The following GALNT13 variants were observed in gnomAD, a reference collection of about 807,000 sequenced individuals.
The protein encoded by GALNT13 is polypeptide N-acetylgalactosaminyltransferase 13.
Under a neutral mutation model 64.2 loss-of-function variants are expected in GALNT13, and 28 were observed. The ratio of observed to expected loss-of-function variants is 0.44; its 90% confidence interval spans 0.32 to 0.60. GALNT13 has a LOEUF of 0.60. Ranked by LOEUF, GALNT13 falls within the 20% of genes least tolerant of loss-of-function variation. The probability of loss-of-function intolerance (pLI) is 0.05; values close to 1 mark genes in which losing one functional copy is unlikely to be tolerated. For synonymous variants in GALNT13, 214 were observed against 224.6 expected (o/e 0.95, Z 0.42); for missense variants, 577 against 669.8 (o/e 0.86, Z 1.53).
chr2:153,430,504 G>C, the GALNT13 span, among the ~76,000 whole-genome samples: 1 of 146,292 alleles, frequency 6.8e-6, no homozygotes, highest in Non-Finnish European at 1.5e-5. Flanking sequence ...GCAAATGATA[G>C]GTATTAATAG....
the GALNT13 span, chr2:153,337,903 C>G: frequency 6.6e-6 from 1 of 152,186 alleles, no homozygotes; most frequent in East Asian, 1.9e-4. Flanking sequence ...ATACAAAATA[C>G]AGATAAACTT....
At chr2:154,017,965 G>A (rs1697120914) in intron 3 of GALNT13, among the ~76,000 whole-genome samples, 1 of 152,092 alleles carries the variant, frequency 6.6e-6, no homozygotes, top group African/African-American at 2.4e-5. Flanking sequence ...CTTACTTTTT[G>A]TTATTATCCT....
the GALNT13 span, among the ~76,000 whole-genome samples, chr2:153,493,289 G>A: frequency 6.6e-6 from 1 of 151,936 alleles, no homozygotes; most frequent in Non-Finnish European, 1.5e-5. Context: ...GTTTCACAGA[G>A]AGAGAGAAAA....
At chr2:153,589,469 A>T in the GALNT13 span, among the ~76,000 whole-genome samples, 1 of 152,078 alleles carries the variant, frequency 6.6e-6, no homozygotes, top group Non-Finnish European at 1.5e-5. Flanking sequence ...CCCAGTTCCA[A>T]TGTTGCTTCC....
chr2:154,299,599 C>T (rs1303434008), intron 8 of GALNT13, among the ~76,000 whole-genome samples: 3 of 148,780 alleles, frequency 2.0e-5, no homozygotes, highest in Admixed American at 6.8e-5. Context: ...GGACTACAGG[C>T]GCCCGCCACC....
At chr2:153,132,669 TG>T in the GALNT13 span, among the ~76,000 whole-genome samples, 7 of 152,176 alleles carry the variant, frequency 4.6e-5, no homozygotes, top group Admixed American at 2.0e-4. Context: ...CATTTTTAGT[TG>T]GTGAAGACAT....
the GALNT13 span, among the ~76,000 whole-genome samples, chr2:153,777,048 G>C: frequency 1.3e-5 from 2 of 151,690 alleles, no homozygotes; most frequent in Non-Finnish European, 2.9e-5. Context: ...TTGTTTGTTT[G>C]TTTTGTTTTG....
At position 154,170,446 on chromosome 2, in the gene GALNT13, G is replaced by A. The variant is rs981709258; in HGVS notation, c.311+29941G>A. Among the ~76,000 whole-genome samples the A allele has an allele frequency of 2.0e-5, 3 of 152,090 alleles. No homozygotes were observed. The South Asian group carries it at 6.2e-4, about 31-fold the overall frequency. The stretch of plus-strand genomic sequence containing the variant: ...TTGATGCTGGACTGCTATCCACGTT[G>A]TTTACAGTGACCATATATATGATTG... On this transcript the variant is annotated intron_variant, in intron 4 of 12. Transcript: ENST00000392825.
the GALNT13 span, among the ~76,000 whole-genome samples, chr2:153,181,259 C>T: frequency 1.5e-4 from 23 of 150,732 alleles, no homozygotes; most frequent in African/African-American, 5.3e-4. Flanking sequence ...TCTTCATTGA[C>T]GCATGGGTGT....
chr2:153,748,326 T>C, the GALNT13 span, among the ~76,000 whole-genome samples: 1 of 152,122 alleles, frequency 6.6e-6, no homozygotes, highest in Non-Finnish European at 1.5e-5. Flanking sequence ...ATAGTAGATA[T>C]AGTTTTAGTT....
At chr2:153,283,955 C>T in the GALNT13 span, among the ~76,000 whole-genome samples, 1 of 151,704 alleles carries the variant, frequency 6.6e-6, no homozygotes, top group Non-Finnish European at 1.5e-5. Context: ...GAGAGGGCTC[C>T]GAAGCACTAC....
chr2:154,049,823 A>G (rs1699486878), intron 3 of GALNT13, among the ~76,000 whole-genome samples: 1 of 151,978 alleles, frequency 6.6e-6, no homozygotes, highest in African/African-American at 2.4e-5. Flanking sequence ...TCTTTTGTTG[A>G]CAATTTGAAT....
the GALNT13 span, among the ~76,000 whole-genome samples, chr2:153,290,083 A>C: frequency 2.6e-5 from 4 of 152,174 alleles, no homozygotes. Flanking sequence ...TTGCATTTCT[A>C]TTATTCCTTT....
At chr2:153,299,256 G>A in the GALNT13 span, among the ~76,000 whole-genome samples, 1 of 152,182 alleles carries the variant, frequency 6.6e-6, no homozygotes, top group Non-Finnish European at 1.5e-5. Context: ...TATTTGCAAC[G>A]TTGTTTCAGA....
chr2:153,312,970 T>A, the GALNT13 span, among the ~76,000 whole-genome samples: 10 of 152,136 alleles, frequency 6.6e-5, no homozygotes, highest in South Asian at 2.1e-4. Flanking sequence ...ATAAAAAAAA[T>A]TATTACTTTA....
Position 154,451,647 on chromosome 2 carries a change from A to G in GALNT13, c.*1096A>G, listed in dbSNP as rs1352101965. ...TAAACTGCTATATATTGTTTGCCAT[A>G]TATTATGGCCCAAGGAATATAGTTA... On this transcript the variant is annotated 3_prime_UTR_variant, in exon 13 of 13. Transcript: ENST00000392825. 2.0e-5 allele frequency: 3 copies of G among 152,114 alleles called. No homozygotes were observed. The highest frequency in any genetic ancestry group is 4.4e-5 in the Non-Finnish European group (3 of 68,024). The allele number at this position is 152,114 out of a possible 1,614,324, so 9.4% of individuals were successfully genotyped here.
the GALNT13 span, among the ~76,000 whole-genome samples, chr2:153,435,336 TTAAAG>T: frequency 1.3e-5 from 2 of 152,212 alleles, no homozygotes; most frequent in African/African-American, 4.8e-5. Context: ...CATATGAACT[TTAAAG>T]TAGTTTTTTT....
intron 12 of GALNT13, among the ~76,000 whole-genome samples, chr2:154,443,242 C>T (rs1356594721): frequency 6.6e-6 from 1 of 152,040 alleles, no homozygotes; most frequent in East Asian, 1.9e-4. Context: ...GTAGGAATTT[C>T]AATAGATTAG....
At chr2:153,801,462 A>C in the GALNT13 span, among the ~76,000 whole-genome samples, 1 of 151,912 alleles carries the variant, frequency 6.6e-6, no homozygotes. Context: ...ATATTGTTTT[A>C]CTCAGAGAAT....
Sources: allele counts gnomAD v4.1 joint callset (sites outside exome capture counted in the v4.1 genomes callset), GRCh38; gene constraint gnomAD v4.1.1; transcripts MANE v1.5; gene names NCBI Gene and HGNC (gene_info 2026-07-23, HGNC 2026-07-21).